The following CAST variants were observed in gnomAD, a reference collection of about 807,000 sequenced individuals.
CAST encodes MIR583 host.
CAST carries 76 observed loss-of-function variants against 119.6 expected under a neutral mutation model. That is an observed-to-expected ratio of 0.64 (90% confidence interval 0.53 to 0.77). The LOEUF is 0.77. Ranked by LOEUF, CAST falls within the 30% of genes least tolerant of loss-of-function variation. The probability of loss-of-function intolerance (pLI) is 0.00; values close to 1 mark genes in which losing one functional copy is unlikely to be tolerated. For synonymous variants in CAST, 319 were observed against 331.6 expected, an observed-to-expected ratio of 0.96 and a Z score of 0.41; for missense variants, 953 against 946.5, an observed-to-expected ratio of 1.01 and a Z score of -0.09.
At chr5:96,350,824 G>GTGCTGTGTT in the CAST span, among the ~76,000 whole-genome samples, 6 of 152,284 alleles carry the variant, frequency 3.9e-5, no homozygotes, top group South Asian at 1.2e-3. Flanking sequence ...CACTAGGGAA[G>GTGCTGTGTT]AGGAATAGAA....
the CAST span, among the ~76,000 whole-genome samples, chr5:96,129,950 C>T: frequency 6.6e-6 from 1 of 151,202 alleles, no homozygotes; most frequent in African/African-American, 2.4e-5. Context: ...TTGTTGAAAT[C>T]GGTATGCCAA....
chr5:96,012,582 T>TCAGGACAAGATG, the CAST span, among the ~76,000 whole-genome samples: 1 of 152,206 alleles, frequency 6.6e-6, no homozygotes, highest in Non-Finnish European at 1.5e-5. Context: ...ACACAACTCT[T>TCAGGACAAGATG]CAGGACAAGA....
intron 1 of CAST, among the ~76,000 whole-genome samples, chr5:96,642,152 T>G (rs1394268869): frequency 2.0e-5 from 3 of 152,242 alleles, no homozygotes; most frequent in Non-Finnish European, 4.4e-5. Context: ...TGATTTCTCT[T>G]TGTTTCCTTA....
the CAST span, among the ~76,000 whole-genome samples, chr5:96,040,285 G>T: frequency 6.6e-6 from 1 of 152,022 alleles, no homozygotes; most frequent in African/African-American, 2.4e-5. Flanking sequence ...GGGACGATCG[G>T]GTTTTCTAAA....
chr5:95,976,203 G>A, the CAST span, among the ~76,000 whole-genome samples: 1 of 150,956 alleles, frequency 6.6e-6, no homozygotes, highest in East Asian at 1.9e-4. Flanking sequence ...GTATTCCGTT[G>A]TTTCCATCTG....
the CAST span, among the ~76,000 whole-genome samples, chr5:96,004,604 G>T: frequency 2.0e-5 from 3 of 151,976 alleles, no homozygotes; most frequent in Admixed American, 6.5e-5. Context: ...TTATTATTTG[G>T]CTTGAAATGC....
chr5:96,735,271 G>A (rs1761394665), intron 9 of CAST, among the ~76,000 whole-genome samples: 2 of 152,254 alleles, frequency 1.3e-5, no homozygotes, highest in South Asian at 4.1e-4. Context: ...GCCTCAAGCA[G>A]CCATGCATGT....
At chr5:96,752,332 G>C (rs1247293406) in intron 20 of CAST, among the ~76,000 whole-genome samples, 1 of 152,276 alleles carries the variant, frequency 6.6e-6, no homozygotes, top group Non-Finnish European at 1.5e-5. Context: ...AAGGGCACAG[G>C]TTTGGGGAAG....
chr5:96,173,853 G>A, the CAST span, among the ~76,000 whole-genome samples: 1 of 151,578 alleles, frequency 6.6e-6, no homozygotes, highest in Admixed American at 6.6e-5. Context: ...CCATTCTCCT[G>A]CCTCAGCCTC....
the CAST span, among the ~76,000 whole-genome samples, chr5:96,232,238 G>A: frequency 2.6e-5 from 4 of 151,982 alleles, no homozygotes; most frequent in Non-Finnish European, 5.9e-5. Flanking sequence ...TGAGAGTGTT[G>A]GAAGCTGGGA....
chr5:96,156,462 G>A, the CAST span, among the ~76,000 whole-genome samples: 1 of 152,114 alleles, frequency 6.6e-6, no homozygotes, highest in Non-Finnish European at 1.5e-5. Flanking sequence ...AAAATTACAT[G>A]CATCTCTTTA....
chr5:96,450,160 C>T, the CAST span, among the ~76,000 whole-genome samples: 2 of 152,160 alleles, frequency 1.3e-5, no homozygotes, highest in Non-Finnish European at 2.9e-5. Flanking sequence ...CACCTAAGTG[C>T]CCATCAAGAG....
chr5:96,250,882 T>C, the CAST span, among the ~76,000 whole-genome samples: 40 of 152,274 alleles, frequency 2.6e-4, no homozygotes, highest in Middle Eastern at 3.4e-3. Context: ...AGAGAAAAGG[T>C]ACAGAGAAGG....
At chr5:96,099,864 C>T in the CAST span, among the ~76,000 whole-genome samples, 3 of 152,104 alleles carry the variant, frequency 2.0e-5, no homozygotes, top group Admixed American at 1.3e-4. Context: ...GAAAGGAGTC[C>T]CTCCTCCTCA....
At chr5:96,447,666 A>G in the CAST span, among the ~76,000 whole-genome samples, 1 of 152,226 alleles carries the variant, frequency 6.6e-6, no homozygotes, top group African/African-American at 2.4e-5. Flanking sequence ...CTGATTTTAG[A>G]AGGAAATATG....
chr5:96,730,026 G>A (rs1019998043), intron 8 of CAST, among the ~76,000 whole-genome samples: 1 of 152,162 alleles, frequency 6.6e-6, no homozygotes, highest in Non-Finnish European at 1.5e-5. Context: ...CTCCCAGACA[G>A]GCAGCTTTGG....
At chr5:96,179,334 G>A in the CAST span, among the ~76,000 whole-genome samples, 1 of 152,142 alleles carries the variant, frequency 6.6e-6, no homozygotes, top group African/African-American at 2.4e-5. Context: ...TGTCTTGAAT[G>A]CCCTCTCTCT....
chr5:96,701,499 A>C (rs984573754), intron 3 of CAST, among the ~76,000 whole-genome samples: 1 of 152,168 alleles, frequency 6.6e-6, no homozygotes, highest in African/African-American at 2.4e-5. Context: ...GGGATATATA[A>C]GCTATATATC....
chr5:96,592,060 G>A lies in CAST; in HGVS notation c.60+62180G>A, dbSNP rs76084707. On this transcript the variant is annotated intron_variant, in intron 1 of 11. Transcript: ENST00000505143. ...TTCTCTTAGCCATGTTTGTCAAAGTGTTTGACCAGTGCTTTGAAGGAATGG... is the reference window on the plus strand; with the variant it reads ...TTCTCTTAGCCATGTTTGTCAAAGTATTTGACCAGTGCTTTGAAGGAATGG... 9.2e-5 allele frequency among the ~76,000 whole-genome samples: 14 copies of A among 152,308 alleles called. No individual in the cohort carries two copies. The East Asian group carries it at 2.7e-3, about 29-fold the overall frequency.
Sources: gnomAD v4.1 joint callset for allele counts (sites outside exome capture counted in the v4.1 genomes callset) on GRCh38, gnomAD v4.1.1 for gene constraint, MANE v1.5 for transcripts, NCBI Gene and HGNC (gene_info 2026-07-23, HGNC 2026-07-21) for gene names.